The following SLC2A9 variants were observed in gnomAD, a reference collection of about 807,000 sequenced individuals.
SLC2A9 encodes solute carrier family 2, facilitated glucose transporter member 9.
A neutral mutation model predicts 50.6 loss-of-function variants in SLC2A9; 39 were observed. That is an observed-to-expected ratio of 0.77 (90% CI 0.60 to 1.01). SLC2A9 has a LOEUF of 1.01. SLC2A9 is among the 50% of genes least tolerant of loss of function. The pLI, the probability that SLC2A9 is intolerant of heterozygous loss-of-function variation, is 0.00. For synonymous variants in SLC2A9, 324 were observed against 276.9 expected (o/e 1.17, Z -1.69); for missense variants, 686 against 677.6 (o/e 1.01, Z -0.14).
downstream of SLC2A9, among the ~76,000 whole-genome samples, chr4:9,824,415 A>C (rs1468150944): frequency 6.6e-6 from 1 of 152,194 alleles, no homozygotes; most frequent in African/African-American, 2.4e-5. Flanking sequence ...TTTTCAAATA[A>C]AATAACATGT....
chr4:9,787,763 T>C (rs1239801885), intron 3 of SLC2A9, among the ~76,000 whole-genome samples: 5 of 152,202 alleles, frequency 3.3e-5, no homozygotes, highest in Non-Finnish European at 7.3e-5. Flanking sequence ...TTGGGTTTTT[T>C]GGTGCTTTTC....
Position 9,893,569 on chromosome 4 carries a change from TGAGG to T in SLC2A9, c.1114-2862_1114-2859del, listed in dbSNP as rs370490478. Among the ~76,000 whole-genome samples, 965 of 111,906 alleles carry T rather than the reference TGAGG, an allele frequency of 8.6e-3. 8 individuals carry two copies. The highest frequency in any genetic ancestry group is 0.012 in the Non-Finnish European group (704 of 56,534). The allele number at this position is 111,906 out of a possible 152,430, so 73.4% of individuals were successfully genotyped here. ...GGCAGAGAGGGACGGAGGGAGAGAA[TGAGG>T]GAGGGAGGGAGGGAGTGAGGGAGGG... is the stretch of plus-strand genomic sequence containing the variant. On this transcript the variant is annotated intron_variant, in intron 8 of 11. Transcript: ENST00000264784.
intron 10 of SLC2A9, chr4:9,879,664 C>T (rs1053323006): frequency 4.1e-6 from 4 of 985,332 alleles, no homozygotes; most frequent in East Asian, 1.1e-4. Flanking sequence ...GTGGCCTTAC[C>T]GCTCCATCTT....
intron 7 of SLC2A9, among the ~76,000 whole-genome samples, chr4:9,912,617 C>T (rs1307317917): frequency 6.6e-6 from 1 of 152,216 alleles, no homozygotes; most frequent in Non-Finnish European, 1.5e-5. Flanking sequence ...GTCTAAGGAT[C>T]AGTCAAGGGT....
chr4:10,016,886 C>T (rs1023630139), intron 2 of SLC2A9, among the ~76,000 whole-genome samples: 3 of 152,054 alleles, frequency 2.0e-5, no homozygotes, highest in Admixed American at 2.0e-4. Context: ...AGCCTAAGAT[C>T]TTAGGCCCTC....
At chr4:9,952,395 C>T (rs1328060977) in intron 5 of SLC2A9, among the ~76,000 whole-genome samples, 3 of 152,116 alleles carry the variant, frequency 2.0e-5, no homozygotes, top group African/African-American at 7.2e-5. Context: ...CTTACTTCTG[C>T]TTTTGCCAGG....
chr4:9,949,581 G>A (rs1417907996), intron 5 of SLC2A9, among the ~76,000 whole-genome samples: 1 of 152,200 alleles, frequency 6.6e-6, no homozygotes, highest in African/African-American at 2.4e-5. Context: ...CAAGAGCCTG[G>A]CTCTTCTGAT....
chr4:10,012,257 G>C (rs1162267543), intron 2 of SLC2A9, among the ~76,000 whole-genome samples: 1 of 152,208 alleles, frequency 6.6e-6, no homozygotes, highest in East Asian at 1.9e-4. Flanking sequence ...AGACAGACCA[G>C]TGTCCAAGTC....
downstream of SLC2A9, among the ~76,000 whole-genome samples, chr4:9,775,039 C>T (rs1717370102): frequency 6.6e-6 from 1 of 152,128 alleles, no homozygotes; most frequent in Admixed American, 6.5e-5. Context: ...ACCACTGAGG[C>T]CAGAGAATTC....
chr4:9,986,869 C>T (rs1295815412), intron 3 of SLC2A9, among the ~76,000 whole-genome samples: 1 of 152,178 alleles, frequency 6.6e-6, no homozygotes, highest in Non-Finnish European at 1.5e-5. Flanking sequence ...TGGATTCCTG[C>T]ACCAGCTCTA....
rs1467124229 is a variant in SLC2A9, at chr4:9,913,328, T to TGA, written c.1003-4984_1003-4983insTC. 5.6e-4 allele frequency among the ~76,000 whole-genome samples: 76 copies of TGA among 136,590 alleles called. No homozygotes were observed. The East Asian group carries it at 7.2e-3, about 13-fold the overall frequency. 89.6% of individuals were successfully genotyped at this position (136,590 alleles called of 152,430 possible). A position where few individuals can be genotyped will look rare whatever the true frequency, so the allele number is the denominator to read the frequency against. On this transcript the variant is annotated intron_variant, in intron 7 of 11. Coordinates refer to ENST00000264784, the MANE Select transcript of SLC2A9 (RefSeq NM_020041.3). ...TTGTGTGTGTGTGTGTGTGTGTGTGTGTGAGAGAGAGAGAGAGAGAGAGAG... is the reference window on the plus strand; with the variant it reads ...TTGTGTGTGTGTGTGTGTGTGTGTGTGAGTGAGAGAGAGAGAGAGAGAGAGAG...
chr4:9,815,976 C>A (rs2109015666), intron 3 of SLC2A9, among the ~76,000 whole-genome samples: 1 of 151,930 alleles, frequency 6.6e-6, no homozygotes, highest in South Asian at 2.1e-4. Context: ...TTGAGACCAG[C>A]CTGGCCAATA....
intron 7 of SLC2A9, among the ~76,000 whole-genome samples, chr4:9,913,701 T>C (rs6825187): frequency 0.68 from 103,564 of 152,038 alleles, 35,486 homozygotes; most frequent in East Asian, 0.78. Flanking sequence ...AAGCTGGAGA[T>C]GTGTCTGCTG....
intron 10 of SLC2A9, among the ~76,000 whole-genome samples, chr4:9,847,530 G>A (rs760223534): frequency 5.3e-5 from 8 of 152,152 alleles, no homozygotes; most frequent in Non-Finnish European, 8.8e-5. Context: ...TGATTACGGC[G>A]ATTCCTCTTC....
intron 7 of SLC2A9, among the ~76,000 whole-genome samples, chr4:9,912,937 G>A (rs1029767984): frequency 6.6e-6 from 1 of 152,222 alleles, no homozygotes; most frequent in Non-Finnish European, 1.5e-5. Flanking sequence ...GAAGACGTAA[G>A]GATGGAAGCA....
intron 3 of SLC2A9, among the ~76,000 whole-genome samples, chr4:9,810,957 CCAAA>C (rs926452338): frequency 6.6e-6 from 1 of 152,206 alleles, no homozygotes; most frequent in African/African-American, 2.4e-5. Context: ...GTTGTGTCTT[CCAAA>C]CAAACTTTTC....
intron 10 of SLC2A9, among the ~76,000 whole-genome samples, chr4:9,865,749 G>A (rs1303289320): frequency 6.6e-6 from 1 of 152,220 alleles, no homozygotes; most frequent in Non-Finnish European, 1.5e-5. Flanking sequence ...GCAGGGCTGG[G>A]TTTCCCACCC....
intron 10 of SLC2A9, among the ~76,000 whole-genome samples, chr4:9,844,773 C>T (rs1190873361): frequency 1.3e-5 from 2 of 152,196 alleles, no homozygotes; most frequent in Admixed American, 6.5e-5. Flanking sequence ...TACCTACTAG[C>T]TATGTGACCA....
chr4:9,821,712 T>C (rs1277068144), downstream of SLC2A9, among the ~76,000 whole-genome samples: 1 of 151,738 alleles, frequency 6.6e-6, no homozygotes, highest in African/African-American at 2.4e-5. Flanking sequence ...TTTCTTGTAC[T>C]GTTTTCTTGT....
Sources: allele counts gnomAD v4.1 joint callset (sites outside exome capture counted in the v4.1 genomes callset), GRCh38; gene constraint gnomAD v4.1.1; transcripts MANE v1.5; gene names NCBI Gene and HGNC (gene_info 2026-07-23, HGNC 2026-07-21).